The following RBL2 variants were observed in gnomAD, a reference collection of about 807,000 sequenced individuals.
The protein encoded by RBL2 is RB transcriptional corepressor like 2, also known as retinoblastoma-like protein 2.
A neutral mutation model predicts 126.0 loss-of-function variants in RBL2; 56 were observed. The observed-to-expected ratio is 0.44, with a 90% CI of 0.36 to 0.56. The LOEUF (loss-of-function observed/expected upper bound fraction) is 0.56, where lower values mean the gene tolerates loss of function less well. Ranked by LOEUF, RBL2 falls within the 20% of genes least tolerant of loss-of-function variation. RBL2 has a pLI of 0.00. For synonymous variants in RBL2, 454 were observed against 478.5 expected (o/e 0.95, Z 0.67); for missense variants, 1,229 against 1,398.2 (o/e 0.88, Z 1.93).
chr16:53,443,899 A>G (rs1222505937), intron 3 of RBL2, among the ~76,000 whole-genome samples: 1 of 152,244 alleles, frequency 6.6e-6, no homozygotes, highest in Non-Finnish European at 1.5e-5. Flanking sequence ...GGCACCACTG[A>G]TACAGAAGCA....
In RBL2 at chr16:53,438,843, CAAAAAAAAAAAAAAAA is replaced by C. The variant is rs11302382; in HGVS notation, c.241-159_241-144del. ...TGGGTGACAGAGCAAGATTCCATCT[CAAAAAAAAAAAAAAAA>C]AAAAAAAAAAAAAGAGCGTATGAGA... On this transcript the variant is annotated intron_variant, in intron 1 of 21. Coordinates refer to ENST00000262133, the MANE Select transcript of RBL2 (RefSeq NM_005611.4). Among the ~76,000 whole-genome samples the C allele has an allele frequency of 4.5e-3, 136 of 30,544 alleles. 1 individual carries two copies. Among genetic ancestry groups the C allele is most frequent in the African/African-American group, 0.012 (125 of 10,592 alleles). The allele number at this position is 30,544 out of a possible 152,430, so 20.0% of individuals were successfully genotyped here.
intron 15 of RBL2, 22 bp downstream of exon 15, chr16:53,470,207 A>G (rs2058309069): frequency 1.3e-6 from 2 of 1,588,214 alleles, no homozygotes; most frequent in Non-Finnish European, 1.7e-6. Context: ...AGAGTTGGAT[A>G]TTGAGTTCCT....
intron 21 of RBL2, 48 bp downstream of exon 21, chr16:53,481,883 G>C (rs761234760): frequency 1.3e-6 from 2 of 1,525,174 alleles, no homozygotes; most frequent in African/African-American, 2.7e-5. Flanking sequence ...AAATGCTTCA[G>C]ATGCTAGAAA....
In RBL2 at chr16:53,490,893, G is replaced by C. The variant is rs79598128; in HGVS notation, c.*593G>C. 6.6e-6 allele frequency: 1 copy of C among 152,668 alleles called. No individual in the cohort carries two copies. Among genetic ancestry groups the C allele is most frequent in the African/African-American group, 2.4e-5 (1 of 41,522 alleles). The allele number at this position is 152,668 out of a possible 1,614,324, so 9.5% of individuals were successfully genotyped here. ...GGTGCAGTGTGAAAAGTCCTTGATT[G>C]TTCGGGTGTGCAATGTCTGAGTGAA... On this transcript the variant is annotated 3_prime_UTR_variant, in exon 22 of 22. Transcript: ENST00000262133.
chr16:53,471,999 A>G (rs887357246), intron 17 of RBL2, among the ~76,000 whole-genome samples: 2 of 152,204 alleles, frequency 1.3e-5, no homozygotes, highest in African/African-American at 4.8e-5. Flanking sequence ...TTAATCGTTT[A>G]TAGAAATGGT....
chr16:53,474,394 G>T (rs1364905615), intron 17 of RBL2, among the ~76,000 whole-genome samples: 1 of 152,038 alleles, frequency 6.6e-6, no homozygotes, highest in Non-Finnish European at 1.5e-5. Context: ...TTGGCTCACC[G>T]CAACCTCCGC....
intron 17 of RBL2, 78 bp from the exon 18 acceptor site, chr16:53,479,076 G>A: frequency 8.7e-7 from 1 of 1,143,938 alleles, no homozygotes; most frequent in Non-Finnish European, 1.3e-6. Context: ...CTTTTACTGG[G>A]CAGCAGGTTC....
chr16:53,461,734 T>G lies in RBL2; in HGVS notation c.1347-7T>G. 1.8e-5 allele frequency: 28 copies of G among 1,569,918 alleles called. No individual in the cohort carries two copies. Among genetic ancestry groups the G allele is most frequent in the Non-Finnish European group, 2.2e-5 (26 of 1,160,348 alleles). On this transcript the variant is annotated splice_polypyrimidine_tract_variant and splice_region_variant and intron_variant, in intron 9 of 21. Coordinates refer to ENST00000262133, the MANE Select transcript of RBL2 (RefSeq NM_005611.4). Reference sequence around the variant, plus strand: ...TAAATTATGTTATTTCTCATTACCTTTTTTAGGACATGTTCCAGAGATCCA... The same window carrying G: ...TAAATTATGTTATTTCTCATTACCTGTTTTAGGACATGTTCCAGAGATCCA...
chr16:53,481,340 C>CTGTGGTGT (rs1960938122), intron 20 of RBL2: 1 of 239,386 alleles, frequency 4.2e-6, no homozygotes, highest in African/African-American at 2.3e-5. Flanking sequence ...CAGTACTTAA[C>CTGTGGTGT]AGTGGTGGTA....
rs754924837 is a variant in RBL2 at position 53,470,871 on chromosome 16, G to T, written c.2652G>T (p.Met884Ile). The T allele has an allele frequency of 1.2e-6, 2 of 1,614,120 alleles. No homozygotes were observed. The highest frequency in any genetic ancestry group is 2.7e-5 in the African/African-American group (2 of 75,028). The change falls in exon 17 of 22, where the codon ATG becomes ATT. Residue 884 changes from methionine (M) to isoleucine (I), a missense_variant. Coordinates refer to ENST00000262133, the MANE Select transcript of RBL2 (RefSeq NM_005611.4). ...FSIIQCPELMMDRHLDQLLMC... is the reference protein window; with the variant it reads ...FSIIQCPELMIDRHLDQLLMC... The stretch of plus-strand genomic sequence containing the variant: ...TAATTCAGTGTCCTGAACTTATGAT[G>T]GACAGACATCTGGACCAGTTATTAA...
intron 4 of RBL2, among the ~76,000 whole-genome samples, chr16:53,451,200 T>TTCC (rs2058111461): frequency 2.6e-5 from 4 of 152,316 alleles, no homozygotes; most frequent in South Asian, 4.1e-4. Flanking sequence ...CACTAAGCTG[T>TTCC]TAGACATTTA....
chr16:53,451,615 A>G, intron 4 of RBL2, 88 bp from the exon 5 acceptor site: 1 of 1,408,660 alleles, frequency 7.1e-7, no homozygotes. Context: ...ATTGTTTTGT[A>G]ATGTCATAAT....
intron 17 of RBL2, chr16:53,478,905 A>AT: frequency 2.4e-6 from 1 of 417,244 alleles, no homozygotes; most frequent in Non-Finnish European, 4.3e-6. Context: ...TACAGGTGTG[A>AT]ACCACCGCAC....
intron 17 of RBL2, among the ~76,000 whole-genome samples, chr16:53,472,699 G>C (rs187253388): frequency 1.3e-5 from 2 of 152,056 alleles, no homozygotes; most frequent in African/African-American, 2.4e-5. Flanking sequence ...TCACTTACTC[G>C]ATAGTGTCAT....
At chr16:53,454,910 G>A in intron 8 of RBL2, 68 bp downstream of exon 8, 1 of 1,346,756 alleles carries the variant, frequency 7.4e-7, no homozygotes, top group Non-Finnish European at 9.8e-7. Context: ...TTTTTATTTT[G>A]GTAATTTCAT....
intron 21 of RBL2, chr16:53,488,419 C>G (rs1415095543): frequency 6.6e-6 from 1 of 152,162 alleles, no homozygotes; most frequent in Non-Finnish European, 1.5e-5. Context: ...TTCAGAGGAA[C>G]AGTTTTATCC....
In RBL2 at chr16:53,467,128, G is replaced by A; in HGVS notation, c.1934G>A (p.Arg645Lys). The A allele has an allele frequency of 6.2e-7, 1 of 1,614,006 alleles. No homozygotes were observed. The highest frequency in any genetic ancestry group is 8.5e-7 in the Non-Finnish European group (1 of 1,179,956). The change falls in exon 14 of 22, where the codon AGG becomes AAG. Residue 645 changes from arginine (R) to lysine (K), a missense_variant. By Grantham distance (26) the Arg-to-Lys change is conservative. Transcript: ENST00000262133. The part of the protein sequence containing the change: ...CIAGSPLTPR[R>K]VTEVRADTGG... ...GCTGGCTCCCCTTTGACTCCCAGAA[G>A]GGTGACTGAAGTTCGTGCTGATACT...
At chr16:53,435,537 T>G in intron 1 of RBL2, 1 of 1,188,146 alleles carries the variant, frequency 8.4e-7, no homozygotes, top group Non-Finnish European at 1.1e-6. Flanking sequence ...ATGAGAAAAA[T>G]GGCCATTCTA....
chr16:53,473,445 G>A (rs1039324144), intron 17 of RBL2, among the ~76,000 whole-genome samples: 1 of 150,268 alleles, frequency 6.7e-6, no homozygotes, highest in Non-Finnish European at 1.5e-5. Flanking sequence ...TATTCCAAGT[G>A]TAGTTGTTTC....
Sources: allele counts gnomAD v4.1 joint callset (sites outside exome capture counted in the v4.1 genomes callset), GRCh38; gene constraint gnomAD v4.1.1; transcripts MANE v1.5; gene names NCBI Gene and HGNC (gene_info 2026-07-23, HGNC 2026-07-21).